The following RBM45 variants were observed in gnomAD, a reference collection of about 807,000 sequenced individuals.
RBM45 encodes RNA-binding protein 45.
In RBM45, 39 loss-of-function variants were observed where a neutral mutation model predicts 58.5. The observed-to-expected ratio is 0.67, with a 90% CI of 0.52 to 0.87. RBM45 has a LOEUF of 0.87. RBM45 is among the 40% of genes least tolerant of loss of function. RBM45 has a pLI of 0.00. For missense variants in RBM45, 481 were observed against 581.6 expected, an observed-to-expected ratio of 0.83 and a Z score of 1.78; for synonymous variants, 193 against 203.0, an observed-to-expected ratio of 0.95 and a Z score of 0.42.
chr2:178,119,621 A>G (rs1050897419), intron 3 of RBM45, among the ~76,000 whole-genome samples: 1 of 152,242 alleles, frequency 6.6e-6, no homozygotes, highest in African/African-American at 2.4e-5. Flanking sequence ...ATAGATTTCC[A>G]GAGAAGAATT....
In RBM45 at chr2:178,112,824, C is replaced by G. The variant is rs1208089923; in HGVS notation, c.278C>G (p.Pro93Arg). ...MEEMHGQCLG[P>R]NDTKPIKVFI... The stretch of plus-strand genomic sequence containing the variant: ...GAGATGCATGGCCAGTGCCTCGGCC[C>G]CAACGACACCAAGCCCATCAAGGTG... Residue 93 changes from proline to arginine, a missense_variant, in exon 1 of 10, where the codon CCC (proline) becomes CGC (arginine). Physicochemically the swap from Pro to Arg is moderately radical, Grantham distance 103 (BLOSUM62 -2). Coordinates refer to ENST00000286070, the MANE Select transcript of RBM45 (RefSeq NM_152945.4). 5 of 1,609,814 alleles carry G rather than the reference C, an allele frequency of 3.1e-6. No individual in the cohort carries two copies. Among genetic ancestry groups the G allele is most frequent in the Non-Finnish European group, 4.2e-6 (5 of 1,176,710 alleles).
At chr2:178,134,936 C>T (rs541416806) in intron 3 of RBM45, among the ~76,000 whole-genome samples, 1 of 152,234 alleles carries the variant, frequency 6.6e-6, no homozygotes, top group South Asian at 2.1e-4. Context: ...AGGAGGCTGA[C>T]GCGGAGGTTG....
At position 178,112,483 on chromosome 2, in the gene RBM45, A is replaced by G. The variant is rs1285889565; in HGVS notation, c.-64A>G. On this transcript the variant is annotated 5_prime_UTR_variant, in exon 1 of 10. Coordinates refer to ENST00000286070, the MANE Select transcript of RBM45 (RefSeq NM_152945.4). ...GCCGGCAAAGGCTTGGGTGTGAGACAGCAGCGGTGGCAGACACCGCAGAAG... is the reference window on the plus strand; with the variant it reads ...GCCGGCAAAGGCTTGGGTGTGAGACGGCAGCGGTGGCAGACACCGCAGAAG... The G allele has an allele frequency of 1.4e-6, 2 of 1,439,114 alleles. No individual in the cohort carries two copies. Among genetic ancestry groups the G allele is most frequent in the Admixed American group, 1.8e-5 (1 of 55,482 alleles). The allele number at this position is 1,439,114 out of a possible 1,614,324, so 89.1% of individuals were successfully genotyped here.
chr2:178,117,810 T>C (rs891886367), intron 2 of RBM45, among the ~76,000 whole-genome samples: 3 of 152,230 alleles, frequency 2.0e-5, no homozygotes, highest in Non-Finnish European at 4.4e-5. Context: ...ACTTTGGAGC[T>C]ATCCAGACCA....
intron 3 of RBM45, among the ~76,000 whole-genome samples, chr2:178,135,299 G>T (rs752506716): frequency 6.6e-6 from 1 of 152,076 alleles, no homozygotes; most frequent in African/African-American, 2.4e-5. Flanking sequence ...GCCAACAGTG[G>T]CAAAAAAAGA....
At position 178,112,670 on chromosome 2, in the gene RBM45, A is replaced by T. The variant is rs2087719067; in HGVS notation, c.124A>T (p.Arg42Trp). 8 of 1,614,214 alleles carry T rather than the reference A, an allele frequency of 5.0e-6. 1 individual carries two copies. The East Asian group carries it at 1.6e-4, about 31-fold the overall frequency. ...CAAGTACACACCTGAGTCGGTGCTG[A>T]GGGAGCGCTTCTCGCCTTTTGGCGA... ...ISKYTPESVL[R>W]ERFSPFGDIQ... The change falls in exon 1 of 10, where the codon AGG becomes TGG. Residue 42 changes from arginine to tryptophan, a missense_variant. Arg to Trp is a moderately radical substitution (Grantham distance 101, BLOSUM62 -3). Coordinates refer to ENST00000286070, the MANE Select transcript of RBM45 (RefSeq NM_152945.4).
At chr2:178,137,802 TTTTC>T (rs1181499872) in exon 4 of RBM45, 3 of 152,152 alleles carry the variant, frequency 2.0e-5, no homozygotes, top group African/African-American at 4.8e-5. Flanking sequence ...CAATTAAAGT[TTTTC>T]TTTCTTAGTG....
chr2:178,112,443 G>C lies in RBM45; in HGVS notation c.-104G>C, dbSNP rs1480776770. 8.7e-7 allele frequency: 1 copy of C among 1,152,318 alleles called. No homozygotes were observed. Among genetic ancestry groups the C allele is most frequent in the Non-Finnish European group, 1.2e-6 (1 of 805,612 alleles). The allele number at this position is 1,152,318 out of a possible 1,614,324, so 71.4% of individuals were successfully genotyped here. A position where few individuals can be genotyped will look rare whatever the true frequency, so the allele number is the denominator to read the frequency against. On this transcript the variant is annotated 5_prime_UTR_variant, in exon 1 of 10. Transcript: ENST00000286070. The stretch of plus-strand genomic sequence containing the variant: ...TGGCGCCGGACTCCTCTTTCTCCCG[G>C]AAGCGGAGCACCGAGCCGGCAAAGG...
intron 1 of RBM45, 37 bp from the exon 2 acceptor site, chr2:178,116,225 A>T (rs760807166): frequency 5.9e-6 from 9 of 1,533,100 alleles, no homozygotes; most frequent in Non-Finnish European, 7.9e-6. Flanking sequence ...AAAATAGTTG[A>T]CATTATTTTA....
In RBM45 at chr2:178,124,008, A is replaced by G. The variant is rs568727394; in HGVS notation, c.1068+96A>G. 145 of 1,500,768 alleles carry G rather than the reference A, an allele frequency of 9.7e-5. 1 individual carries two copies. The East Asian group carries it at 3.3e-3, about 34-fold the overall frequency. The allele number at this position is 1,500,768 out of a possible 1,614,324, so 93.0% of individuals were successfully genotyped here. Reference sequence around the variant, plus strand: ...CTTTGTTGATTATCTGTGTATGAAAATTTTCAGAGCTATTGTGGAAGACCA... The same window carrying G: ...CTTTGTTGATTATCTGTGTATGAAAGTTTTCAGAGCTATTGTGGAAGACCA... On this transcript the variant is annotated intron_variant, in intron 7 of 9. Transcript: ENST00000286070.
intron 1 of RBM45, among the ~76,000 whole-genome samples, chr2:178,113,661 C>A (rs1373039028): frequency 1.3e-5 from 2 of 152,096 alleles, no homozygotes; most frequent in Non-Finnish European, 2.9e-5. Context: ...ACAGGGTAAG[C>A]CCTCAATAAT....
At chr2:178,128,881 G>C (rs1559082608) in intron 9 of RBM45, among the ~76,000 whole-genome samples, 1 of 152,108 alleles carries the variant, frequency 6.6e-6, no homozygotes. Flanking sequence ...ATAAAATACT[G>C]TGGAAGACTT....
chr2:178,127,104 T>C lies in RBM45; in HGVS notation c.*8+920T>C, dbSNP rs537514917. ...GGCGCGTACCACCACGCCTGGCTAATTTTTTGTATTTTTAGTAGAGGCGGG... is the reference window on the plus strand; with the variant it reads ...GGCGCGTACCACCACGCCTGGCTAACTTTTTGTATTTTTAGTAGAGGCGGG... On this transcript the variant is annotated intron_variant, in intron 9 of 9. Transcript: ENST00000286070. Among the ~76,000 whole-genome samples, 3 of 152,202 alleles carry C rather than the reference T, an allele frequency of 2.0e-5. No individual in the cohort carries two copies. In the East Asian group the frequency reaches 5.8e-4, roughly 30 times the overall value.
intron 2 of RBM45, among the ~76,000 whole-genome samples, chr2:178,116,847 A>G (rs1398766050): frequency 6.6e-6 from 1 of 152,052 alleles, no homozygotes; most frequent in Non-Finnish European, 1.5e-5. Context: ...ATTATCTAGT[A>G]TTGAGAACGG....
At chr2:178,128,591 T>C (rs2087966127) in intron 9 of RBM45, among the ~76,000 whole-genome samples, 1 of 152,230 alleles carries the variant, frequency 6.6e-6, no homozygotes, top group African/African-American at 2.4e-5. Context: ...ATCAGAGGAA[T>C]TGCATTTTCA....
chr2:178,113,318 TGGGGAG>T (rs2087730145), intron 1 of RBM45, among the ~76,000 whole-genome samples: 1 of 5,312 alleles, frequency 1.9e-4, no homozygotes, highest in Non-Finnish European at 3.4e-3. Context: ...TACTTTAAAC[TGGGGAG>T]GGACCTCTGG....
In RBM45 at chr2:178,123,559, T is replaced by C. The variant is rs767713969; in HGVS notation, c.891T>C (p.Ala297=). 48 of 1,605,156 alleles carry C rather than the reference T, an allele frequency of 3.0e-5. No individual in the cohort carries two copies. In the Admixed American group the frequency reaches 8.3e-4, roughly 28 times the overall value. ...GVVQYFNVAS[A]IYAKYKLHGF... ...TTCAGTATTTTAATGTAGCATCAGC[T>C]ATTTATGCAAAATACAAATTACATG... Residue 297 remains alanine, a synonymous_variant, in exon 6 of 10, where the codon GCT becomes GCC. Transcript: ENST00000286070.
Position 178,123,506 on chromosome 2 carries a change from A to G in RBM45, c.854-16A>G, listed in dbSNP as rs762193059. The G allele has an allele frequency of 4.5e-6, 7 of 1,547,476 alleles. No individual in the cohort carries two copies. The African/African-American group carries it at 6.9e-5, about 15-fold the overall frequency. On this transcript the variant is annotated splice_polypyrimidine_tract_variant and intron_variant, in intron 5 of 9. Coordinates refer to ENST00000286070, the MANE Select transcript of RBM45 (RefSeq NM_152945.4). Reference sequence around the variant, plus strand: ...GTCTGCTTTCCTTTTTCATTTCTGTATGTTCTCTATTTTAGGTCATGGAGT... The same window carrying G: ...GTCTGCTTTCCTTTTTCATTTCTGTGTGTTCTCTATTTTAGGTCATGGAGT...
At chr2:178,130,326 G>T (rs2087993391), downstream of RBM45, among the ~76,000 whole-genome samples, 1 of 152,090 alleles carries the variant, frequency 6.6e-6, no homozygotes, top group Admixed American at 6.6e-5. Context: ...TTCAAGAGGA[G>T]ACCAGCCTGG....
Sources: allele counts gnomAD v4.1 joint callset (sites outside exome capture counted in the v4.1 genomes callset), GRCh38; gene constraint gnomAD v4.1.1; transcripts MANE v1.5; gene names NCBI Gene and HGNC (gene_info 2026-07-23, HGNC 2026-07-21).